Variants in EFNB2 observed in about 807,000 individuals in gnomAD.
EFNB2 encodes ephrin B2.
In EFNB2, 5 loss-of-function variants were observed where a neutral mutation model predicts 32.1. That is an observed-to-expected ratio of 0.16 (90% CI 0.08 to 0.33). The LOEUF is 0.33. Among genes scored for constraint, EFNB2 ranks in the 10% least tolerant of loss-of-function variants. The pLI is 1.00. For missense variants in EFNB2, 263 were observed against 422.6 expected (o/e 0.62, Z 3.31); for synonymous variants, 168 against 166.5 (o/e 1.01, Z -0.07).
chr13:106,496,687 A>T (rs1878603665), intron 2 of EFNB2, among the ~76,000 whole-genome samples: 1 of 140,900 alleles, frequency 7.1e-6, no homozygotes. Flanking sequence ...TCATTTTACC[A>T]TTTTCAGCAT....
intron 1 of EFNB2, among the ~76,000 whole-genome samples, chr13:106,513,824 C>T (rs1445715238): frequency 6.6e-6 from 1 of 152,158 alleles, no homozygotes; most frequent in East Asian, 1.9e-4. Flanking sequence ...CAAAGAATCG[C>T]CTCTGAATCC....
intron 2 of EFNB2, among the ~76,000 whole-genome samples, chr13:106,507,268 G>A (rs946926371): frequency 6.6e-6 from 1 of 152,012 alleles, no homozygotes; most frequent in South Asian, 2.1e-4. Context: ...GCACATAATC[G>A]CTTTATACAG....
chr13:106,495,915 C>A, intron 2 of EFNB2, 75 bp from the exon 3 acceptor site: 7 of 1,352,740 alleles, frequency 5.2e-6, no homozygotes, highest in South Asian at 1.3e-5. Flanking sequence ...TTTACATGAA[C>A]ATGAAATGTC....
intron 2 of EFNB2, among the ~76,000 whole-genome samples, chr13:106,499,064 G>A (rs1594162341): frequency 6.6e-6 from 1 of 152,090 alleles, no homozygotes; most frequent in African/African-American, 2.4e-5. Context: ...TTTTAACCCA[G>A]TTAGTACACT....
chr13:106,526,893 G>T (rs1408267319), intron 1 of EFNB2, among the ~76,000 whole-genome samples: 1 of 152,180 alleles, frequency 6.6e-6, no homozygotes, highest in Non-Finnish European at 1.5e-5. Flanking sequence ...TCTGAAGGTC[G>T]GAAATTCTTT....
chr13:106,496,323 C>G (rs1481721964), intron 2 of EFNB2, among the ~76,000 whole-genome samples: 1 of 152,238 alleles, frequency 6.6e-6, no homozygotes, highest in Non-Finnish European at 1.5e-5. Flanking sequence ...TCTGTAAACA[C>G]TAGACCAGGA....
intron 1 of EFNB2, among the ~76,000 whole-genome samples, chr13:106,522,176 AG>A (rs1218292832): frequency 7.9e-5 from 12 of 152,114 alleles, no homozygotes; most frequent in Non-Finnish European, 1.6e-4. Flanking sequence ...GCAAGTGAGA[AG>A]GGGGGTGATC....
intron 1 of EFNB2, among the ~76,000 whole-genome samples, chr13:106,514,620 T>C (rs891388997): frequency 7.2e-5 from 11 of 152,206 alleles, no homozygotes; most frequent in Admixed American, 6.5e-4. Context: ...GACATTTCCT[T>C]TTTCTCCTGT....
At chr13:106,534,189 G>T (rs2138951465) in intron 1 of EFNB2, among the ~76,000 whole-genome samples, 1 of 152,218 alleles carries the variant, frequency 6.6e-6, no homozygotes, top group East Asian at 2.0e-4. Context: ...GGTGCGGCGG[G>T]CCCTCAGGGA....
At chr13:106,522,144 GC>G (rs1879543869) in intron 1 of EFNB2, among the ~76,000 whole-genome samples, 1 of 152,080 alleles carries the variant, frequency 6.6e-6, no homozygotes, top group East Asian at 1.9e-4. Flanking sequence ...GAAGAGTAAG[GC>G]TGGGATGCTA....
Position 106,503,277 on chromosome 13 carries a change from CA to C in EFNB2, c.407-7438del, listed in dbSNP as rs936768062. ...CATAATTTCAAAATAAAAAACAAAACAAAAAAAAAGCTTTTCTTCTAGTATA... is the reference window on the plus strand; with the variant it reads ...CATAATTTCAAAATAAAAAACAAAACAAAAAAAAGCTTTTCTTCTAGTATA... On this transcript the variant is annotated intron_variant, in intron 2 of 4. Transcript: ENST00000646441. 8.7e-5 allele frequency among the ~76,000 whole-genome samples: 13 copies of C among 150,130 alleles called. No individual in the cohort carries two copies. In the East Asian group the frequency reaches 1.2e-3, roughly 14 times the overall value.
In EFNB2 at chr13:106,493,032, G is replaced by T. The variant is rs778078295; in HGVS notation, c.*8C>A. The T allele has an allele frequency of 6.3e-7, 1 of 1,597,666 alleles. No homozygotes were observed. On this transcript the variant is annotated 3_prime_UTR_variant, in exon 5 of 5. Transcript: ENST00000646441. The surrounding 1 kb of genome is among the most constrained non-coding windows in gnomAD (Gnocchi z 6.1). The stretch of plus-strand genomic sequence containing the variant: ...TCTGGGAAAGCACAGGTACCACCAG[G>T]GTCCCTCTCAGACCTTGTAGTAAAT...
In EFNB2 at chr13:106,534,933, T is replaced by C; in HGVS notation, c.32A>G (p.Tyr11Cys). The change falls in exon 1 of 5, where the codon TAC becomes TGC. Residue 11 changes from tyrosine (Y) to cysteine (C), a missense_variant. Physicochemically the swap from Tyr to Cys is radical, Grantham distance 194. Transcript: ENST00000646441. MAVRRDSVWK[Y>C]CWGVLMVLCR... ...TAAAACCATCAAAACACCCCAGCAGTACTTCCACACGGAGTCCCTTCTCAC... is the reference window on the plus strand; with the variant it reads ...TAAAACCATCAAAACACCCCAGCAGCACTTCCACACGGAGTCCCTTCTCAC... The C allele has an allele frequency of 6.2e-7, 1 of 1,613,364 alleles. No individual in the cohort carries two copies. Among genetic ancestry groups the C allele is most frequent in the Non-Finnish European group, 8.5e-7 (1 of 1,179,572 alleles).
chr13:106,499,139 CT>C (rs1878689765), intron 2 of EFNB2, among the ~76,000 whole-genome samples: 1 of 152,060 alleles, frequency 6.6e-6, no homozygotes, highest in Non-Finnish European at 1.5e-5. Context: ...TGACTTCAGT[CT>C]ATTTTATACT....
intron 2 of EFNB2, among the ~76,000 whole-genome samples, chr13:106,510,455 T>C (rs1307669080): frequency 6.6e-6 from 1 of 152,212 alleles, no homozygotes. Context: ...GCATTCTTCG[T>C]GAAGTCATAA....
intron 2 of EFNB2, among the ~76,000 whole-genome samples, chr13:106,508,191 A>G (rs1879022734): frequency 6.6e-6 from 1 of 152,210 alleles, no homozygotes; most frequent in Non-Finnish European, 1.5e-5. Flanking sequence ...AAAAGAAACT[A>G]AACCAGGCAC....
At chr13:106,500,351 C>A (rs16968780) in intron 2 of EFNB2, among the ~76,000 whole-genome samples, 3 of 152,034 alleles carry the variant, frequency 2.0e-5, no homozygotes, top group Non-Finnish European at 2.9e-5. Context: ...AGATGTGAAA[C>A]GGGGAAGCAC....
At chr13:106,510,473 T>A (rs1448619885) in intron 2 of EFNB2, among the ~76,000 whole-genome samples, 2 of 152,242 alleles carry the variant, frequency 1.3e-5, no homozygotes, top group Non-Finnish European at 2.9e-5. Flanking sequence ...TAAGCTAAAG[T>A]AAGAAGAGAG....
At position 106,493,745 on chromosome 13, in the gene EFNB2, C is replaced by A. The variant is rs1394219752; in HGVS notation, c.614-317G>T. ...ACCCGTGTCAGCCAGCCTGGGGCAG[C>A]GGCAGGGAAGAAAAAGGGAAGTGGC... On this transcript the variant is annotated intron_variant, in intron 4 of 4. Coordinates refer to ENST00000646441, the MANE Select transcript of EFNB2 (RefSeq NM_004093.4). The surrounding 1 kb of genome is among the most constrained non-coding windows in gnomAD (Gnocchi z 6.1). Among the ~76,000 whole-genome samples the A allele has an allele frequency of 1.3e-5, 2 of 152,150 alleles. No homozygotes were observed. Among genetic ancestry groups the A allele is most frequent in the Admixed American group, 6.5e-5 (1 of 15,278 alleles).
Sources: gnomAD v4.1 joint callset for allele counts (sites outside exome capture counted in the v4.1 genomes callset) on GRCh38, gnomAD v4.1.1 for gene constraint, Gnocchi (gnomAD v3.1) non-coding constraint, MANE v1.5 for transcripts, NCBI Gene and HGNC (gene_info 2026-07-23, HGNC 2026-07-21) for gene names.